The following DNAH9 variants were observed in gnomAD, a reference collection of about 807,000 sequenced individuals.
DNAH9 encodes dynein axonemal heavy chain 9.
A neutral mutation model predicts 471.6 loss-of-function variants in DNAH9; 345 were observed. That is an observed-to-expected ratio of 0.73 (90% CI 0.67 to 0.80). DNAH9 has a LOEUF of 0.80. Among genes scored for constraint, DNAH9 ranks in the 30% least tolerant of loss-of-function variants. The pLI is 0.00. For synonymous variants in DNAH9, 2,093 were observed against 2,123.6 expected (o/e 0.99, Z 0.40); for missense variants, 5,407 against 5,609.2 (o/e 0.96, Z 1.15).
At chr17:11,758,444 A>T (rs1394274556) in intron 35 of DNAH9, among the ~76,000 whole-genome samples, 1 of 152,320 alleles carries the variant, frequency 6.6e-6, no homozygotes, top group South Asian at 2.1e-4. Flanking sequence ...GGAGGCAAGA[A>T]TGGGCCCCTG....
At chr17:11,759,025 G>A (rs1428343824) in intron 35 of DNAH9, among the ~76,000 whole-genome samples, 1 of 151,784 alleles carries the variant, frequency 6.6e-6, no homozygotes, top group African/African-American at 2.4e-5. Flanking sequence ...ATGGACTAGG[G>A]CAGCCAAGAG....
intron 27 of DNAH9, among the ~76,000 whole-genome samples, chr17:11,724,773 G>A (rs1014235387): frequency 2.0e-5 from 3 of 152,188 alleles, no homozygotes; most frequent in South Asian, 4.1e-4. Flanking sequence ...ATGGACTGTG[G>A]TAGTGGGGGA....
intron 68 of DNAH9, among the ~76,000 whole-genome samples, chr17:11,963,574 A>G (rs9908085): frequency 0.53 from 80,457 of 151,906 alleles, 21,772 homozygotes; most frequent in Middle Eastern, 0.59. Context: ...AACTAGATGA[A>G]GGGATCCATA....
intron 67 of DNAH9, among the ~76,000 whole-genome samples, chr17:11,953,036 C>G (rs1426988936): frequency 4.6e-5 from 7 of 152,174 alleles, no homozygotes; most frequent in South Asian, 2.1e-4. Flanking sequence ...ATTTCTTCCT[C>G]TTCTTATAAG....
chr17:11,858,512 C>A (rs2150974155), intron 50 of DNAH9, among the ~76,000 whole-genome samples: 1 of 152,298 alleles, frequency 6.6e-6, no homozygotes, highest in East Asian at 1.9e-4. Context: ...TTCCCATTCA[C>A]ACAGTTTTGC....
chr17:11,879,046 A>G (rs1000289891), intron 53 of DNAH9, among the ~76,000 whole-genome samples: 1 of 152,076 alleles, frequency 6.6e-6, no homozygotes, highest in Non-Finnish European at 1.5e-5. Context: ...ACTATATATT[A>G]AATTATTTTA....
Position 11,914,534 on chromosome 17 carries a change from C to G in DNAH9, c.11749+8725C>G, listed in dbSNP as rs532332795. Among the ~76,000 whole-genome samples, 14 of 152,230 alleles carry G rather than the reference C, an allele frequency of 9.2e-5. No individual in the cohort carries two copies. In the Middle Eastern group the frequency reaches 0.017, roughly 186 times the overall value. ...CTGGCATAAATTATCAGAAAAGACT[C>G]ATGAGAAGTAAAAATTTGGAATCCT... On this transcript the variant is annotated intron_variant, in intron 61 of 68. Transcript: ENST00000262442.
chr17:11,685,084 A>T (rs1256104065), intron 19 of DNAH9, among the ~76,000 whole-genome samples: 1 of 152,108 alleles, frequency 6.6e-6, no homozygotes, highest in East Asian at 1.9e-4. Context: ...ACCTTTCCTG[A>T]CCTCAAGGAC....
At chr17:11,872,219 G>A (rs189497908) in intron 52 of DNAH9, among the ~76,000 whole-genome samples, 1 of 152,238 alleles carries the variant, frequency 6.6e-6, no homozygotes, top group Admixed American at 6.5e-5. Context: ...CACAGCTTGT[G>A]CCAGTGACTC....
intron 49 of DNAH9, among the ~76,000 whole-genome samples, chr17:11,837,161 C>T (rs550031361): frequency 6.6e-6 from 1 of 152,136 alleles, no homozygotes; most frequent in Non-Finnish European, 1.5e-5. Flanking sequence ...TTTATAAATA[C>T]TGTTGGTTAA....
At chr17:11,620,706 A>C (rs866790589) in intron 6 of DNAH9, among the ~76,000 whole-genome samples, 15 of 151,964 alleles carry the variant, frequency 9.9e-5, no homozygotes, top group African/African-American at 3.1e-4. Flanking sequence ...GTTTCAAATA[A>C]ACTCTGCCTA....
chr17:11,807,706 A>AAC (rs752022691), intron 43 of DNAH9, 26 bp from the exon 44 acceptor site: 3 of 1,590,962 alleles, frequency 1.9e-6, no homozygotes, highest in Admixed American at 1.7e-5. Context: ...GATCAAAGCA[A>AAC]CATGTGCCTG....
At chr17:11,680,374 G>C (rs2150741193) in intron 18 of DNAH9, among the ~76,000 whole-genome samples, 1 of 152,278 alleles carries the variant, frequency 6.6e-6, no homozygotes, top group South Asian at 2.1e-4. Context: ...GTAGAAATAT[G>C]GTAGAAGCAA....
intron 50 of DNAH9, among the ~76,000 whole-genome samples, chr17:11,865,102 A>G (rs1325500835): frequency 1.2e-4 from 18 of 152,240 alleles, no homozygotes; most frequent in Non-Finnish European, 2.5e-4. Context: ...TAGTTGATGC[A>G]GTTTCTTCCT....
intron 68 of DNAH9, among the ~76,000 whole-genome samples, chr17:11,964,778 C>T (rs1210772130): frequency 1.3e-5 from 2 of 152,170 alleles, no homozygotes; most frequent in Admixed American, 6.5e-5. Flanking sequence ...AGACCACAAT[C>T]ACAGTGAAAC....
intron 28 of DNAH9, among the ~76,000 whole-genome samples, chr17:11,730,415 C>T (rs1386906319): frequency 6.6e-6 from 1 of 152,164 alleles, no homozygotes; most frequent in Non-Finnish European, 1.5e-5. Context: ...TGAGTGTTGC[C>T]AGATCTTTTA....
At chr17:11,684,530 C>T (rs1169639770) in intron 19 of DNAH9, among the ~76,000 whole-genome samples, 1 of 152,194 alleles carries the variant, frequency 6.6e-6, no homozygotes, top group Non-Finnish European at 1.5e-5. Flanking sequence ...TGGTGTTTCA[C>T]TGTTTGGTCT....
intron 61 of DNAH9, among the ~76,000 whole-genome samples, chr17:11,916,765 A>G (rs1973973689): frequency 6.6e-6 from 1 of 152,138 alleles, no homozygotes; most frequent in African/African-American, 2.4e-5. Flanking sequence ...TTGCTTCAAC[A>G]AGGCAGTTCT....
chr17:11,846,941 C>T (rs1010302003), intron 49 of DNAH9, among the ~76,000 whole-genome samples: 1 of 148,834 alleles, frequency 6.7e-6, no homozygotes, highest in African/African-American at 2.5e-5. Context: ...ACAATCATGT[C>T]GTCTGCAAAC....
Sources: allele counts gnomAD v4.1 joint callset (sites outside exome capture counted in the v4.1 genomes callset), GRCh38; gene constraint gnomAD v4.1.1; transcripts MANE v1.5; gene names NCBI Gene and HGNC (gene_info 2026-07-23, HGNC 2026-07-21).